ADCY2: variants seen among roughly 807,000 people sequenced by gnomAD.
ADCY2 encodes the protein adenylate cyclase type 2.
ADCY2 carries 31 observed loss-of-function variants against 125.2 expected under a neutral mutation model. The observed-to-expected ratio is 0.25, with a 90% confidence interval of 0.19 to 0.33. The LOEUF is 0.33. ADCY2 is among the 10% of genes least tolerant of loss of function. The pLI, the probability that ADCY2 is intolerant of heterozygous loss-of-function variation, is 1.00. For synonymous variants in ADCY2, 512 were observed against 548.4 expected (o/e 0.93, Z 0.93); for missense variants, 904 against 1,418.2 (o/e 0.64, Z 5.82).
intron 2 of ADCY2, among the ~76,000 whole-genome samples, chr5:7,504,701 G>A (rs376474040): frequency 6.6e-6 from 1 of 150,554 alleles, no homozygotes; most frequent in East Asian, 1.9e-4. Flanking sequence ...CAGAGACAGG[G>A]TTTAACTGTG....
intron 2 of ADCY2, among the ~76,000 whole-genome samples, chr5:7,467,653 G>A (rs1742174461): frequency 6.6e-6 from 1 of 152,170 alleles, no homozygotes; most frequent in Admixed American, 6.5e-5. Context: ...ACAAAAATAA[G>A]TGGAATTTTC....
At chr5:7,660,350 C>T (rs1267644240) in intron 4 of ADCY2, among the ~76,000 whole-genome samples, 1 of 152,006 alleles carries the variant, frequency 6.6e-6, no homozygotes, top group Non-Finnish European at 1.5e-5. Context: ...CTGCTCAGAT[C>T]CTTCTCTGAA....
chr5:7,526,562 C>T (rs758810330), intron 3 of ADCY2, among the ~76,000 whole-genome samples: 10 of 151,768 alleles, frequency 6.6e-5, no homozygotes, highest in Non-Finnish European at 1.2e-4. Flanking sequence ...AAACAAGTAT[C>T]GAAATATCAT....
Position 7,802,239 on chromosome 5 carries a change from G to C in ADCY2, c.2650G>C (p.Asp884His). 1 of 1,613,922 alleles carries C rather than the reference G, an allele frequency of 6.2e-7. No individual in the cohort carries two copies. The highest frequency in any genetic ancestry group is 8.5e-7 in the Non-Finnish European group (1 of 1,179,902). The part of the protein sequence containing the change: ...KNEELYHQSY[D>H]CVCVMFASIP... ...GCAGGAGCTATACCACCAGTCCTAT[G>C]ACTGCGTCTGCGTCATGTTTGCCTC... is the stretch of plus-strand genomic sequence containing the variant. The change falls in exon 21 of 25, where the codon GAC (aspartate) becomes CAC (histidine). Residue 884 changes from aspartate (D) to histidine (H), a missense_variant. Physicochemically the swap from Asp to His is moderately conservative, Grantham distance 81 (BLOSUM62 -1). Coordinates refer to ENST00000338316, the MANE Select transcript of ADCY2 (RefSeq NM_020546.3). The surrounding 1 kb of genome is among the most constrained non-coding windows in gnomAD (Gnocchi z 4.6).
At chr5:7,398,429 G>C (rs1350102564) in intron 1 of ADCY2, among the ~76,000 whole-genome samples, 1 of 152,172 alleles carries the variant, frequency 6.6e-6, no homozygotes, top group Non-Finnish European at 1.5e-5. Flanking sequence ...TTTGCTTGGT[G>C]CATATGTGTT....
intron 16 of ADCY2, among the ~76,000 whole-genome samples, chr5:7,763,097 T>C (rs1743280074): frequency 6.6e-6 from 1 of 151,642 alleles, no homozygotes; most frequent in Non-Finnish European, 1.5e-5. Flanking sequence ...GTTTCTAATG[T>C]ATTTTTTTTT....
intron 3 of ADCY2, among the ~76,000 whole-genome samples, chr5:7,522,953 A>G (rs942504861): frequency 1.3e-5 from 2 of 151,854 alleles, no homozygotes; most frequent in African/African-American, 4.8e-5. Flanking sequence ...AAACAAAGAA[A>G]TGAGAAAACA....
At chr5:7,747,101 G>T (rs1431449980) in intron 15 of ADCY2, among the ~76,000 whole-genome samples, 3 of 152,136 alleles carry the variant, frequency 2.0e-5, no homozygotes, top group African/African-American at 7.2e-5. Context: ...TCTGTGAGAA[G>T]CCCAGCCCTC....
chr5:7,570,452 A>G (rs988110835), intron 3 of ADCY2, among the ~76,000 whole-genome samples: 1 of 152,134 alleles, frequency 6.6e-6, no homozygotes, highest in Non-Finnish European at 1.5e-5. Flanking sequence ...TTGAGCAGGT[A>G]TTCCCTCTTA....
chr5:7,557,225 A>T (rs1386040546), intron 3 of ADCY2, among the ~76,000 whole-genome samples: 2 of 150,394 alleles, frequency 1.3e-5, no homozygotes, highest in Non-Finnish European at 3.0e-5. Flanking sequence ...TATCTAAATG[A>T]CAAGTAAACA....
chr5:7,483,088 C>T (rs1742797914), intron 2 of ADCY2, among the ~76,000 whole-genome samples: 1 of 151,806 alleles, frequency 6.6e-6, no homozygotes, highest in Non-Finnish European at 1.5e-5. Context: ...GGAATAAGCT[C>T]TAGTGCCCAG....
At chr5:7,462,873 T>G (rs552497545) in intron 2 of ADCY2, among the ~76,000 whole-genome samples, 9 of 152,346 alleles carry the variant, frequency 5.9e-5, no homozygotes, top group Non-Finnish European at 1.0e-4. Context: ...GGTGGATTCC[T>G]TCTGAAAGGA....
At chr5:7,437,621 G>A (rs977035943) in intron 2 of ADCY2, among the ~76,000 whole-genome samples, 1 of 152,246 alleles carries the variant, frequency 6.6e-6, no homozygotes, top group African/African-American at 2.4e-5. Flanking sequence ...GGCGTGATAG[G>A]TACTCGGGAA....
intron 17 of ADCY2, among the ~76,000 whole-genome samples, chr5:7,770,508 A>G (rs1462681903): frequency 6.6e-6 from 1 of 152,264 alleles, no homozygotes; most frequent in East Asian, 1.9e-4. Context: ...TTAGTTTATC[A>G]TAATAATAGC....
chr5:7,667,734 G>A (rs78040528), intron 4 of ADCY2, among the ~76,000 whole-genome samples: 1,815 of 152,266 alleles, frequency 0.012, 36 homozygotes, highest in African/African-American at 0.041. Context: ...TAAAATGAAA[G>A]TATTCCATAG....
At chr5:7,506,789 CTTTTTTTTTTTTTTTTTTTTTT>C (rs70940743) in intron 2 of ADCY2, among the ~76,000 whole-genome samples, 1 of 55,020 alleles carries the variant, frequency 1.8e-5, no homozygotes, top group African/African-American at 7.6e-5. Context: ...ATGCGTTGCT[CTTTTTTTTTTTTTTTTTTTTTT>C]TTTTTTTGCT....
In ADCY2 at chr5:7,679,277, G is replaced by A. The variant is rs553562221; in HGVS notation, c.721-11414G>A. ...AACCAGCCATCCAGGTCCCGGGGGA[G>A]CGTGCTCCAGTGCGGGTCTGAGGCT... On this transcript the variant is annotated intron_variant, in intron 4 of 24. Coordinates refer to ENST00000338316, the MANE Select transcript of ADCY2 (RefSeq NM_020546.3). Among the ~76,000 whole-genome samples the A allele has an allele frequency of 9.7e-4, 148 of 152,228 alleles. 1 individual carries two copies. The highest frequency in any genetic ancestry group is 3.3e-3 in the African/African-American group (135 of 41,462).
At chr5:7,509,389 T>A (rs1026735985) in intron 2 of ADCY2, among the ~76,000 whole-genome samples, 11 of 152,150 alleles carry the variant, frequency 7.2e-5, no homozygotes, top group Non-Finnish European at 1.5e-4. Context: ...GGCTGAGGGT[T>A]CAGAACAGAT....
chr5:7,439,918 G>C (rs924087694), intron 2 of ADCY2, among the ~76,000 whole-genome samples: 2 of 152,082 alleles, frequency 1.3e-5, no homozygotes, highest in Non-Finnish European at 2.9e-5. Flanking sequence ...AGAATTCCGG[G>C]GGTGAGAGGA....
Sources: gnomAD v4.1 joint callset for allele counts (sites outside exome capture counted in the v4.1 genomes callset) on GRCh38, gnomAD v4.1.1 for gene constraint, Gnocchi (gnomAD v3.1) non-coding constraint, MANE v1.5 for transcripts, NCBI Gene and HGNC (gene_info 2026-07-23, HGNC 2026-07-21) for gene names.